Variants in CADM2 observed in about 807,000 individuals in gnomAD.
The protein encoded by CADM2 is cell adhesion molecule 2.
CADM2 carries 12 observed loss-of-function variants against 49.8 expected under a neutral mutation model. That is an observed-to-expected ratio of 0.24 (90% CI 0.15 to 0.39). The LOEUF (loss-of-function observed/expected upper bound fraction) is 0.39, where lower values mean the gene tolerates loss of function less well. Ranked by LOEUF, CADM2 falls within the 10% of genes least tolerant of loss-of-function variation. The pLI is 1.00. For missense variants in CADM2, 378 were observed against 492.3 expected, an observed-to-expected ratio of 0.77 and a Z score of 2.20; for synonymous variants, 214 against 175.4, an observed-to-expected ratio of 1.22 and a Z score of -1.74.
intron 6 of CADM2, among the ~76,000 whole-genome samples, chr3:85,933,221 C>T (rs1004357391): frequency 4.0e-5 from 6 of 151,788 alleles, no homozygotes; most frequent in East Asian, 3.9e-4. Flanking sequence ...ACCTCCTCCA[C>T]CCCCACCCTC....
chr3:85,701,854 G>C (rs1350130100), intron 1 of CADM2, among the ~76,000 whole-genome samples: 2 of 139,912 alleles, frequency 1.4e-5, no homozygotes, highest in African/African-American at 2.8e-5. Context: ...TGTGTCTGTT[G>C]TAAAAGATAG....
At position 85,007,133 on chromosome 3, in the gene CADM2, AT is replaced by A. The variant is rs2033771582; in HGVS notation, c.61+47466del. ...TAAAAAGGACATAAAATATTAAGAA[AT>A]AAGGAAAAATATTGATTAAAATACT... is the stretch of plus-strand genomic sequence containing the variant. On this transcript the variant is annotated intron_variant, in intron 1 of 9. Transcript: ENST00000383699. Among the ~76,000 whole-genome samples the A allele has an allele frequency of 2.0e-5, 3 of 152,276 alleles. No individual in the cohort carries two copies. In the East Asian group the frequency reaches 5.8e-4, roughly 29 times the overall value.
intron 1 of CADM2, among the ~76,000 whole-genome samples, chr3:85,517,842 G>T (rs1432360233): frequency 6.6e-6 from 1 of 152,046 alleles, no homozygotes; most frequent in African/African-American, 2.4e-5. Flanking sequence ...TTAACCTCTG[G>T]TTCAAACACT....
At chr3:86,003,979 T>C (rs906076571) in intron 8 of CADM2, among the ~76,000 whole-genome samples, 1 of 152,182 alleles carries the variant, frequency 6.6e-6, no homozygotes, top group African/African-American at 2.4e-5. Flanking sequence ...CTTTCATAGG[T>C]ACTTGGAGCC....
intron 1 of CADM2, among the ~76,000 whole-genome samples, chr3:85,213,801 C>T: frequency 6.6e-6 from 1 of 151,932 alleles, no homozygotes; most frequent in African/African-American, 2.4e-5. Context: ...TTTCAAATGG[C>T]CTGTCTTCAT....
intron 8 of CADM2, among the ~76,000 whole-genome samples, chr3:85,969,250 A>G (rs1459124066): frequency 6.6e-6 from 1 of 151,518 alleles, no homozygotes; most frequent in Non-Finnish European, 1.5e-5. Flanking sequence ...TACTTTTCCA[A>G]GTCCTGCATT....
intron 1 of CADM2, among the ~76,000 whole-genome samples, chr3:85,167,717 A>T (rs926600805): frequency 6.6e-6 from 1 of 152,218 alleles, no homozygotes; most frequent in Admixed American, 6.5e-5. Context: ...GTTCAGTACT[A>T]TTCAATACCT....
chr3:85,859,978 CAT>C (rs1264400487), intron 3 of CADM2, among the ~76,000 whole-genome samples: 4 of 152,092 alleles, frequency 2.6e-5, no homozygotes, highest in Non-Finnish European at 5.9e-5. Context: ...TTAATACACT[CAT>C]GTTAAATTTT....
chr3:85,554,437 C>CGTTCTT (rs79840371), intron 1 of CADM2, among the ~76,000 whole-genome samples: 6,511 of 152,092 alleles, frequency 0.043, 200 homozygotes, highest in Non-Finnish European at 0.068. Flanking sequence ...CTGTTCTAGG[C>CGTTCTT]GTTCTTGGAT....
chr3:85,268,796 T>G (rs900437376), intron 1 of CADM2, among the ~76,000 whole-genome samples: 1 of 151,198 alleles, frequency 6.6e-6, no homozygotes. Context: ...AAATTAAAAC[T>G]AAGGAAAATC....
chr3:85,354,498 TATAATA>T (rs913910602), intron 1 of CADM2, among the ~76,000 whole-genome samples: 1 of 150,940 alleles, frequency 6.6e-6, no homozygotes, highest in Non-Finnish European at 1.5e-5. Context: ...AAACTTAAAG[TATAATA>T]ATAATAATAA....
chr3:85,919,328 G>T (rs1040925590), intron 6 of CADM2, among the ~76,000 whole-genome samples: 2 of 151,814 alleles, frequency 1.3e-5, no homozygotes, highest in African/African-American at 4.8e-5. Flanking sequence ...AGCTTGTAGA[G>T]GAGACCCTGC....
In CADM2 at chr3:85,619,044, G is replaced by GA. The variant is rs62724860; in HGVS notation, c.62-107467dup. On this transcript the variant is annotated intron_variant, in intron 1 of 9. Transcript: ENST00000383699. ...GACAGAATGAGACTCTGTCTCAAAA[G>GA]AAAAAAAAAAACCCAGAAATTAAAA... Among the ~76,000 whole-genome samples the GA allele has an allele frequency of 1.9e-3, 277 of 146,604 alleles. 1 individual carries two copies. The highest frequency in any genetic ancestry group is 6.6e-3 in the African/African-American group (260 of 39,248).
intron 1 of CADM2, among the ~76,000 whole-genome samples, chr3:85,043,300 A>G (rs766705104): frequency 6.6e-6 from 1 of 151,948 alleles, no homozygotes; most frequent in African/African-American, 2.4e-5. Flanking sequence ...CTTCAGCTTG[A>G]AATAATCAAT....
chr3:84,972,513 G>C (rs12489021), intron 1 of CADM2, among the ~76,000 whole-genome samples: 1 of 152,078 alleles, frequency 6.6e-6, no homozygotes, highest in Admixed American at 6.5e-5. Context: ...CTGAGTTTGA[G>C]CCATACATAC....
chr3:85,639,619 A>G (rs1339233337), intron 1 of CADM2, among the ~76,000 whole-genome samples: 1 of 152,092 alleles, frequency 6.6e-6, no homozygotes, highest in Non-Finnish European at 1.5e-5. Flanking sequence ...TTGCCTTTTA[A>G]TTTGAATTCT....
intron 1 of CADM2, among the ~76,000 whole-genome samples, chr3:85,417,689 T>G (rs1295331776): frequency 1.3e-5 from 2 of 152,136 alleles, no homozygotes; most frequent in Admixed American, 1.3e-4. Context: ...CAAAAAACCT[T>G]TAAGGGTATA....
intron 1 of CADM2, among the ~76,000 whole-genome samples, chr3:85,041,666 C>T (rs532762578): frequency 1.2e-4 from 19 of 152,296 alleles, no homozygotes; most frequent in African/African-American, 4.3e-4. Flanking sequence ...AATTGGCATT[C>T]AGGCTCAGAA....
chr3:85,249,046 G>A (rs957066232), intron 1 of CADM2, among the ~76,000 whole-genome samples: 2 of 152,078 alleles, frequency 1.3e-5, no homozygotes, highest in Admixed American at 6.6e-5. Context: ...TTTTTGTCAA[G>A]CCTATTTAAT....
Sources: gnomAD v4.1 joint callset for allele counts (sites outside exome capture counted in the v4.1 genomes callset) on GRCh38, gnomAD v4.1.1 for gene constraint, MANE v1.5 for transcripts, NCBI Gene and HGNC (gene_info 2026-07-23, HGNC 2026-07-21) for gene names.